The following XIAP variants were observed in gnomAD, a reference collection of about 807,000 sequenced individuals.
The protein encoded by XIAP is X-linked inhibitor of apoptosis.
Under a neutral mutation model 33.1 loss-of-function variants are expected in XIAP, and 3 were observed. That is an observed-to-expected ratio of 0.09 (90% CI 0.04 to 0.23). XIAP has a LOEUF of 0.23. XIAP is among the 10% of genes least tolerant of loss of function. XIAP has a pLI of 1.00. For missense variants in XIAP, 264 were observed against 363.0 expected (o/e 0.73, Z 2.22); for synonymous variants, 98 against 121.3 (o/e 0.81, Z 1.26).
rs1007345404 is a variant in XIAP, at chrX:123,911,551, G to A, written c.*4370G>A. 1.3e-5 allele frequency: 4 copies of A among 314,664 alleles called. No homozygotes were observed. Among genetic ancestry groups the A allele is most frequent in the African/African-American group, 8.2e-5 (3 of 36,665 alleles). The allele number at this position is 314,664 out of a possible 1,213,427, so 25.9% of individuals were successfully genotyped here. Reference sequence around the variant, plus strand: ...ATGTTAGCCAGGCGTGGTGGCACATGCCCATAGTCGCAGCTACTCTGGAGG... The same window carrying A: ...ATGTTAGCCAGGCGTGGTGGCACATACCCATAGTCGCAGCTACTCTGGAGG... On this transcript the variant is annotated 3_prime_UTR_variant, in exon 7 of 7. Transcript: ENST00000371199.
At chrX:123,898,587 C>G (rs1163998051) in intron 5 of XIAP, among the ~76,000 whole-genome samples, 1 of 109,188 alleles carries the variant, frequency 9.2e-6, no homozygotes, top group Non-Finnish European at 1.9e-5. Context: ...CTCCTAGGCT[C>G]AAGCGATCTG....
intron 1 of XIAP, among the ~76,000 whole-genome samples, chrX:123,867,234 C>G (rs2148071865): frequency 9.3e-6 from 1 of 107,228 alleles, no homozygotes; most frequent in East Asian, 3.0e-4. Flanking sequence ...CCACGCCTGG[C>G]TAATGTTTTT....
chrX:123,867,499 G>A (rs1259059290), intron 1 of XIAP, among the ~76,000 whole-genome samples: 1 of 105,832 alleles, frequency 9.4e-6, no homozygotes, highest in Non-Finnish European at 1.9e-5. Flanking sequence ...TGAGCCTCCT[G>A]AGTAGCTAGG....
chrX:123,899,207 A>G (rs1367190362), intron 5 of XIAP, among the ~76,000 whole-genome samples: 7 of 33,526 alleles, frequency 2.1e-4, no homozygotes, highest in Non-Finnish European at 3.8e-4. Context: ...ATGATTGTGT[A>G]TATATATATG....
chrX:123,866,463 TTA>T (rs1215247474), intron 1 of XIAP, among the ~76,000 whole-genome samples: 268 of 95,040 alleles, frequency 2.8e-3, no homozygotes, highest in African/African-American at 9.6e-3. Context: ...ATGATATAAA[TTA>T]TATTATATAC....
At position 123,911,073 on chromosome X, in the gene XIAP, T is replaced by C; in HGVS notation, c.*3892T>C. On this transcript the variant is annotated 3_prime_UTR_variant, in exon 7 of 7. Transcript: ENST00000371199. ...ATGAACTCCCATCCTAATACCCTTT[T>C]ACCTCTCTGTGGGTTTGTCTTGACC... 1 of 329,215 alleles carries C rather than the reference T, an allele frequency of 3.0e-6. No homozygotes were observed. Among genetic ancestry groups the C allele is most frequent in the South Asian group, 2.6e-5 (1 of 38,471 alleles). 27.1% of individuals were successfully genotyped at this position (329,215 alleles called of 1,213,427 possible). A position where few individuals can be genotyped will look rare whatever the true frequency, so the allele number is the denominator to read the frequency against.
chrX:123,905,612 C>A (rs959246121), intron 6 of XIAP, among the ~76,000 whole-genome samples: 9 of 111,764 alleles, frequency 8.1e-5, no homozygotes, highest in Non-Finnish European at 1.7e-4. Flanking sequence ...TGTCTATGAA[C>A]TATTGGGGGC....
At chrX:123,885,432 G>T (rs911425996) in intron 1 of XIAP, among the ~76,000 whole-genome samples, 199 bp from the exon 2 acceptor site, 9 of 112,047 alleles carry the variant, frequency 8.0e-5, no homozygotes, top group African/African-American at 2.9e-4. Flanking sequence ...CTCAAAAAGA[G>T]AAAACAAAAA....
At chrX:123,887,161 C>G (rs927652817) in intron 2 of XIAP, among the ~76,000 whole-genome samples, 23 of 112,126 alleles carry the variant, frequency 2.1e-4, no homozygotes, top group Non-Finnish European at 3.2e-4. Context: ...TCAGGTGATC[C>G]ACCCGCCTCG....
At chrX:123,885,573 A>G (rs2053343808) in intron 1 of XIAP, 58 bp from the exon 2 acceptor site, 9 of 1,018,828 alleles carry the variant, frequency 8.8e-6, no homozygotes, top group South Asian at 2.1e-5. Context: ...TCCTATAACA[A>G]AAGTCTGTTG....
chrX:123,863,754 G>C (rs900582778), intron 1 of XIAP, among the ~76,000 whole-genome samples: 2 of 111,362 alleles, frequency 1.8e-5, no homozygotes, highest in African/African-American at 3.3e-5. Context: ...GTGAAAAAGT[G>C]CTGGGACCTC....
At chrX:123,861,894 AAT>A (rs1253738719) in intron 1 of XIAP, among the ~76,000 whole-genome samples, 1 of 111,856 alleles carries the variant, frequency 8.9e-6, no homozygotes, top group African/African-American at 3.2e-5. Context: ...TAGTAAAAAT[AAT>A]ATGTTACTAG....
At chrX:123,874,874 T>A (rs2053229202) in intron 1 of XIAP, among the ~76,000 whole-genome samples, 1 of 94,260 alleles carries the variant, frequency 1.1e-5, no homozygotes, top group Non-Finnish European at 2.1e-5. Context: ...CTTGTATTTT[T>A]TTTTTTTTTT....
At chrX:123,891,626 A>C (rs1393113381) in intron 4 of XIAP, among the ~76,000 whole-genome samples, 1 of 110,432 alleles carries the variant, frequency 9.1e-6, no homozygotes, top group African/African-American at 3.3e-5. Context: ...AGATCAGCCT[A>C]GGCAACATAG....
rs368889698 is a variant in XIAP, at chrX:123,880,502, C to G, written c.-32-5129C>G. ...CTGTTATCCCAGCACTTTGGGAGTT[C>G]GAGGCAGGTGGATCACCTGAGATCA... On this transcript the variant is annotated intron_variant, in intron 1 of 6. Transcript: ENST00000371199. Among the ~76,000 whole-genome samples the G allele has an allele frequency of 8.4e-5, 9 of 107,691 alleles. No individual in the cohort carries two copies. In the South Asian group the frequency reaches 3.6e-3, roughly 43 times the overall value. 93.5% of individuals were successfully genotyped at this position (107,691 alleles called of 115,157 possible). A position where few individuals can be genotyped will look rare whatever the true frequency, so the allele number is the denominator to read the frequency against.
chrX:123,864,335 G>A (rs2053108536), intron 1 of XIAP, among the ~76,000 whole-genome samples: 1 of 109,821 alleles, frequency 9.1e-6, no homozygotes, highest in Admixed American at 1.0e-4. Flanking sequence ...TATTAGCAGA[G>A]AGCAAAACCT....
chrX:123,902,916 C>T (rs1343607746), intron 6 of XIAP, among the ~76,000 whole-genome samples: 1 of 110,818 alleles, frequency 9.0e-6, no homozygotes, highest in Non-Finnish European at 1.9e-5. Context: ...TGCCAGTAAC[C>T]TTCTGACCTA....
intron 1 of XIAP, among the ~76,000 whole-genome samples, chrX:123,868,492 G>A (rs966932578): frequency 3.6e-4 from 40 of 111,197 alleles, no homozygotes; most frequent in African/African-American, 1.1e-3. Flanking sequence ...CACTTTGGGA[G>A]GCCAAGTCAG....
intron 1 of XIAP, among the ~76,000 whole-genome samples, chrX:123,876,106 T>A (rs1399362368): frequency 8.9e-6 from 1 of 111,848 alleles, no homozygotes; most frequent in Non-Finnish European, 1.9e-5. Flanking sequence ...CTGGAATTCC[T>A]TGGCCTACAT....
Sources: gnomAD v4.1 joint callset for allele counts (sites outside exome capture counted in the v4.1 genomes callset) on GRCh38, gnomAD v4.1.1 for gene constraint, MANE v1.5 for transcripts, NCBI Gene and HGNC (gene_info 2026-07-23, HGNC 2026-07-21) for gene names.